Variants in MRPS27 observed in about 807,000 individuals in gnomAD.
MRPS27 encodes mitochondrial ribosomal protein S27, also known as small ribosomal subunit protein mS27.
A neutral mutation model predicts 48.9 loss-of-function variants in MRPS27; 43 were observed. That is an observed-to-expected ratio of 0.88 (90% CI 0.69 to 1.13). The LOEUF is 1.13. MRPS27 is among the 50% of genes most tolerant of loss of function. The pLI is 0.00. For synonymous variants in MRPS27, 188 were observed against 171.9 expected (o/e 1.09, Z -0.73); for missense variants, 467 against 476.3 (o/e 0.98, Z 0.18).
At chr5:72,238,533 C>T (rs748712354) in intron 4 of MRPS27, among the ~76,000 whole-genome samples, 11 of 152,180 alleles carry the variant, frequency 7.2e-5, no homozygotes, top group Non-Finnish European at 1.2e-4. Context: ...TAGGATAGCA[C>T]AGCAACTCTG....
rs76264382 is a variant in MRPS27, at chr5:72,237,480, A to G, written c.396+534T>C. Among the ~76,000 whole-genome samples the G allele has an allele frequency of 3.7e-3, 567 of 152,322 alleles. 1 individual carries two copies. Among genetic ancestry groups the G allele is most frequent in the African/African-American group, 0.013 (551 of 41,576 alleles). On this transcript the variant is annotated intron_variant, in intron 5 of 10. Coordinates refer to ENST00000261413, the MANE Select transcript of MRPS27 (RefSeq NM_015084.3). ...AAAAAGACTGTTAAAATATCTTTAT[A>G]GTTCAAACTAGTGTTTAGCTTCAGA...
At chr5:72,261,452 G>A (rs957866306) in intron 4 of MRPS27, among the ~76,000 whole-genome samples, 1 of 151,664 alleles carries the variant, frequency 6.6e-6, no homozygotes, top group Non-Finnish European at 1.5e-5. Flanking sequence ...GTTTTACCAT[G>A]TTGGCCAGGC....
Position 72,220,990 on chromosome 5 carries a change from C to G in MRPS27, c.1164G>C (p.Gln388His). Reference sequence around the variant, plus strand: ...TCTGTTGCTGTTCTCTCTGGATCAACTGTACAAGGTCTAGATGCCACTGCT... The same window carrying G: ...TCTGTTGCTGTTCTCTCTGGATCAAGTGTACAAGGTCTAGATGCCACTGCT... The part of the protein sequence containing the change: ...NLQQWHLDLV[Q>H]LIQREQQQRE... Residue 388 changes from glutamine (Q) to histidine (H), a missense_variant, in exon 11 of 11, where the codon CAG becomes CAC. By Grantham distance (24) the Gln-to-His change is conservative. Transcript: ENST00000261413. 1 of 1,614,232 alleles carries G rather than the reference C, an allele frequency of 6.2e-7. No individual in the cohort carries two copies. Among genetic ancestry groups the G allele is most frequent in the Non-Finnish European group, 8.5e-7 (1 of 1,180,034 alleles).
intron 10 of MRPS27, among the ~76,000 whole-genome samples, chr5:72,221,453 T>A (rs989074495): frequency 2.0e-5 from 3 of 152,214 alleles, no homozygotes; most frequent in African/African-American, 7.2e-5. Context: ...ATTTCTCCCC[T>A]TTCACTCAAA....
At chr5:72,293,695 G>A (rs1216121109) in intron 4 of MRPS27, among the ~76,000 whole-genome samples, 2 of 152,220 alleles carry the variant, frequency 1.3e-5, no homozygotes, top group African/African-American at 2.4e-5. Flanking sequence ...TTGTTGAAAT[G>A]CTGAGTCACT....
chr5:72,232,306 C>A (rs764715114), intron 7 of MRPS27, 137 bp downstream of exon 7: 35 of 531,248 alleles, frequency 6.6e-5, no homozygotes, highest in Non-Finnish European at 1.0e-4. Context: ...AACCAGTAAC[C>A]AAAATGTATA....
chr5:72,308,009 CACGGTGGA>C (rs1202872505), intron 2 of MRPS27: 2 of 152,320 alleles, frequency 1.3e-5, no homozygotes, highest in East Asian at 3.8e-4. Flanking sequence ...TCCTCCTCTC[CACGGTGGA>C]ACTGGCAGCG....
At chr5:72,305,479 A>C (rs1750237009) in intron 2 of MRPS27, among the ~76,000 whole-genome samples, 1 of 152,252 alleles carries the variant, frequency 6.6e-6, no homozygotes. Context: ...CAAATGTGTC[A>C]AGGAAATACT....
chr5:72,240,773 A>C (rs1024790091), intron 4 of MRPS27, among the ~76,000 whole-genome samples: 1 of 152,384 alleles, frequency 6.6e-6, no homozygotes, highest in African/African-American at 2.4e-5. Context: ...CACAAGGAAG[A>C]GCAAGAAAGT....
At chr5:72,221,219 TA>T in intron 10 of MRPS27, 71 bp from the exon 11 acceptor site, 1 of 1,537,050 alleles carries the variant, frequency 6.5e-7, no homozygotes, top group Non-Finnish European at 8.8e-7. Context: ...GAGGAAAAAC[TA>T]GCCCTGAGTG....
chr5:72,228,675 A>G, intron 7 of MRPS27: 1 of 230,598 alleles, frequency 4.3e-6, no homozygotes, highest in Non-Finnish European at 8.4e-6. Flanking sequence ...CGTTTCTTTT[A>G]CAATCAGAAA....
intron 4 of MRPS27, among the ~76,000 whole-genome samples, chr5:72,251,839 C>T (rs1748673940): frequency 6.6e-6 from 1 of 152,218 alleles, no homozygotes; most frequent in Non-Finnish European, 1.5e-5. Flanking sequence ...AAAGCATTTG[C>T]TGCTGAGCAA....
intron 4 of MRPS27, among the ~76,000 whole-genome samples, chr5:72,258,221 G>A (rs1748865300): frequency 6.6e-6 from 1 of 152,098 alleles, no homozygotes; most frequent in Non-Finnish European, 1.5e-5. Context: ...CAGGAAAGCT[G>A]CTGGGAAAAC....
At chr5:72,295,388 A>G in intron 4 of MRPS27, 143 bp downstream of exon 4, 1 of 598,596 alleles carries the variant, frequency 1.7e-6, no homozygotes, top group East Asian at 2.9e-5. Flanking sequence ...AAAAAATCAG[A>G]AACTCTCTCT....
chr5:72,290,157 T>C (rs1410242512), intron 4 of MRPS27, among the ~76,000 whole-genome samples: 13 of 152,210 alleles, frequency 8.5e-5, no homozygotes, highest in Admixed American at 8.5e-4. Context: ...CAAGGTTCAC[T>C]TGTCTGCATT....
At chr5:72,243,652 G>A (rs1265156574) in intron 4 of MRPS27, among the ~76,000 whole-genome samples, 1 of 152,156 alleles carries the variant, frequency 6.6e-6, no homozygotes, top group Non-Finnish European at 1.5e-5. Flanking sequence ...CCAGGTGCTA[G>A]AGTCCCCTCC....
At chr5:72,296,255 A>C (rs1749977225) in intron 3 of MRPS27, among the ~76,000 whole-genome samples, 1 of 152,200 alleles carries the variant, frequency 6.6e-6, no homozygotes, top group African/African-American at 2.4e-5. Flanking sequence ...AGCGTAGAAG[A>C]CAATGCATGT....
chr5:72,252,761 G>A lies in MRPS27; in HGVS notation c.282-14633C>T, dbSNP rs1432717939. On this transcript the variant is annotated intron_variant, in intron 4 of 10. Coordinates refer to ENST00000261413, the MANE Select transcript of MRPS27 (RefSeq NM_015084.3). ...CATATTATGAGAGGAATGTAGAAAT[G>A]AAAACAACATGTTCTCATCTTTCAC... Among the ~76,000 whole-genome samples the A allele has an allele frequency of 7.2e-5, 11 of 152,150 alleles. No homozygotes were observed. In the East Asian group the frequency reaches 2.1e-3, roughly 29 times the overall value.
At chr5:72,238,257 T>C (rs1456250065) in intron 4 of MRPS27, 129 bp from the exon 5 acceptor site, 2 of 620,126 alleles carry the variant, frequency 3.2e-6, no homozygotes, top group African/African-American at 1.8e-5. Flanking sequence ...AAGTCAACAG[T>C]TGATAAAAAC....
Sources: allele counts gnomAD v4.1 joint callset (sites outside exome capture counted in the v4.1 genomes callset), GRCh38; gene constraint gnomAD v4.1.1; transcripts MANE v1.5; gene names NCBI Gene and HGNC (gene_info 2026-07-23, HGNC 2026-07-21).